The following TRPC3 variants were observed in gnomAD, a reference collection of about 807,000 sequenced individuals.
TRPC3 encodes transient receptor potential cation channel subfamily C member 3.
In TRPC3, 54 loss-of-function variants were observed where a neutral mutation model predicts 90.9. That is an observed-to-expected ratio of 0.59 (90% confidence interval 0.48 to 0.75). The LOEUF (loss-of-function observed/expected upper bound fraction) is 0.75. Among genes scored for constraint, TRPC3 ranks in the 30% least tolerant of loss-of-function variants. TRPC3 has a pLI of 0.00. For synonymous variants in TRPC3, 424 were observed against 450.9 expected, an observed-to-expected ratio of 0.94 and a Z score of 0.75; for missense variants, 918 against 1,194.5, an observed-to-expected ratio of 0.77 and a Z score of 3.41.
At chr4:121,943,707 T>C (rs1018021232) in intron 1 of TRPC3, among the ~76,000 whole-genome samples, 1 of 152,078 alleles carries the variant, frequency 6.6e-6, no homozygotes, top group Non-Finnish European at 1.5e-5. Flanking sequence ...TTTAAATACA[T>C]TAGTCACTAT....
intron 1 of TRPC3, among the ~76,000 whole-genome samples, chr4:121,936,078 C>A (rs960406037): frequency 6.6e-6 from 1 of 152,098 alleles, no homozygotes; most frequent in African/African-American, 2.4e-5. Context: ...TCAATTAGAA[C>A]AAATTATACT....
At chr4:121,929,968 T>C (rs111251830) in intron 2 of TRPC3, among the ~76,000 whole-genome samples, 16 of 152,186 alleles carry the variant, frequency 1.1e-4, no homozygotes, top group African/African-American at 3.9e-4. Context: ...TACCTGCTTG[T>C]CTCAGAAATG....
chr4:121,935,986 C>T (rs1418984161), intron 1 of TRPC3, among the ~76,000 whole-genome samples: 1 of 152,122 alleles, frequency 6.6e-6, no homozygotes, highest in Admixed American at 6.6e-5. Context: ...TATATTTGAA[C>T]TGAAATGTCT....
intron 1 of TRPC3, among the ~76,000 whole-genome samples, chr4:121,948,794 T>C (rs920040889): frequency 2.0e-5 from 3 of 152,194 alleles, no homozygotes; most frequent in Non-Finnish European, 4.4e-5. Context: ...CACAACTTAA[T>C]GTTGTCCTTC....
chr4:121,914,873 C>T lies in TRPC3; in HGVS notation c.1248G>A (p.Glu416=), dbSNP rs1419896587. 1 of 1,613,852 alleles carries T rather than the reference C, an allele frequency of 6.2e-7. No homozygotes were observed. The highest frequency in any genetic ancestry group is 8.5e-7 in the Non-Finnish European group (1 of 1,179,818). ...IWYENLSGLR[E]QTIAIKCLVV... ...CGAGACACTTGATAGCTATGGTCTG[C>T]TCCCTTAGGCCTGAGAGGTTCTCAT... The change falls in exon 4 of 12, where the codon GAG becomes GAA. Residue 416 remains glutamate, a synonymous_variant. Coordinates refer to ENST00000379645, the MANE Select transcript of TRPC3 (RefSeq NM_001130698.2).
intron 1 of TRPC3, among the ~76,000 whole-genome samples, chr4:121,937,704 C>G (rs913657590): frequency 2.0e-5 from 3 of 152,140 alleles, no homozygotes; most frequent in Admixed American, 1.3e-4. Context: ...AATCAAGAAG[C>G]CTCTCTCTTC....
chr4:121,879,704 G>T lies in TRPC3; in HGVS notation c.*32C>A. On this transcript the variant is annotated 3_prime_UTR_variant, in exon 12 of 12. Transcript: ENST00000379645. ...TAGAAATATTATTGCCCACATTTGT[G>T]CTATAGTCAAAGCCAAATCCAGGTT... The T allele has an allele frequency of 6.3e-7, 1 of 1,590,092 alleles. No individual in the cohort carries two copies. The highest frequency in any genetic ancestry group is 8.5e-7 in the Non-Finnish European group (1 of 1,171,916).
chr4:121,876,293 T>C lies in TRPC3; in HGVS notation c.*3443A>G, dbSNP rs574558878. ...TGAGACCCGCCTCTAAAAATGTATT[T>C]TAAAAACTTTATTTAAAAAATTTAA... On this transcript the variant is annotated 3_prime_UTR_variant, in exon 12 of 12. Transcript: ENST00000379645. Among the ~76,000 whole-genome samples the C allele has an allele frequency of 6.6e-6, 1 of 152,172 alleles. No individual in the cohort carries two copies. Among genetic ancestry groups the C allele is most frequent in the East Asian group, 1.9e-4 (1 of 5,168 alleles).
At position 121,879,749 on chromosome 4, in the gene TRPC3, A is replaced by G; in HGVS notation, c.2753T>C (p.Leu918Pro). Residue 918 changes from leucine to proline, a missense_variant, in exon 12 of 12, where the codon CTG becomes CCG. Physicochemically the swap from Leu to Pro is moderately conservative, Grantham distance 98 (BLOSUM62 -3). Coordinates refer to ENST00000379645, the MANE Select transcript of TRPC3 (RefSeq NM_001130698.2). ...CAGGTTGCTGCATCATTCACATCTC[A>G]GCATGCTGGGATTCAGTTTCTCACT... ...KLSEKLNPSM[L>P]RCE 2 of 1,610,552 alleles carry G rather than the reference A, an allele frequency of 1.2e-6. No homozygotes were observed. Among genetic ancestry groups the G allele is most frequent in the Non-Finnish European group, 1.7e-6 (2 of 1,178,756 alleles).
intron 1 of TRPC3, among the ~76,000 whole-genome samples, chr4:121,939,546 A>C (rs1730234822): frequency 6.6e-6 from 1 of 152,246 alleles, no homozygotes; most frequent in South Asian, 2.1e-4. Flanking sequence ...AAGGTGAGGA[A>C]GTACCTTAAG....
At chr4:121,912,727 T>C (rs1456665230) in intron 4 of TRPC3, among the ~76,000 whole-genome samples, 1 of 152,220 alleles carries the variant, frequency 6.6e-6, no homozygotes, top group East Asian at 1.9e-4. Context: ...TTAACTTATT[T>C]GAAAGTGATC....
At chr4:121,899,771 C>A in intron 9 of TRPC3, 76 bp from the exon 10 acceptor site, 1 of 1,144,410 alleles carries the variant, frequency 8.7e-7, no homozygotes, top group Non-Finnish European at 1.3e-6. Context: ...ATTTATTCTC[C>A]TTGATAACAT....
At chr4:121,935,789 CTTTTAAT>C (rs1198971114) in intron 1 of TRPC3, among the ~76,000 whole-genome samples, 1 of 151,914 alleles carries the variant, frequency 6.6e-6, no homozygotes, top group Non-Finnish European at 1.5e-5. Flanking sequence ...GGTGGAAAGG[CTTTTAAT>C]TTAATGATTG....
At chr4:121,940,677 G>A (rs1730277197) in intron 1 of TRPC3, among the ~76,000 whole-genome samples, 1 of 152,110 alleles carries the variant, frequency 6.6e-6, no homozygotes, top group African/African-American at 2.4e-5. Flanking sequence ...ATGAAATGTT[G>A]GGTCTTTTGA....
At chr4:121,929,511 C>A (rs76792737) in intron 2 of TRPC3, among the ~76,000 whole-genome samples, 5,262 of 152,188 alleles carry the variant, frequency 0.035, 304 homozygotes, top group African/African-American at 0.12. Context: ...GAGGATTAGA[C>A]CAAGAGTCTA....
chr4:121,903,078 G>GAA lies in TRPC3; in HGVS notation c.2254-19_2254-18dup. 2 of 1,555,934 alleles carry GAA rather than the reference G, an allele frequency of 1.3e-6. No homozygotes were observed. On this transcript the variant is annotated splice_polypyrimidine_tract_variant and intron_variant, in intron 8 of 11. Coordinates refer to ENST00000379645, the MANE Select transcript of TRPC3 (RefSeq NM_001130698.2). ...ACTGTCATCCTGTGTCACAAAAATA[G>GAA]AAAAAAAAACTAATTTTAAATGCTA...
chr4:121,910,624 A>G (rs569408351), intron 5 of TRPC3, among the ~76,000 whole-genome samples: 21 of 152,272 alleles, frequency 1.4e-4, no homozygotes, highest in Non-Finnish European at 2.4e-4. Context: ...GAAGCGGTCC[A>G]CATGTGGCAC....
chr4:121,877,987 T>C lies in TRPC3; in HGVS notation c.*1749A>G, dbSNP rs940363314. The stretch of plus-strand genomic sequence containing the variant: ...TTCCATAGCTATAAGCAAAAACTTT[T>C]CACACTTGGAATCCTGGACCATACT... On this transcript the variant is annotated 3_prime_UTR_variant, in exon 12 of 12. Transcript: ENST00000379645. 6.6e-6 allele frequency among the ~76,000 whole-genome samples: 1 copy of C among 152,198 alleles called. No homozygotes were observed. Among genetic ancestry groups the C allele is most frequent in the Admixed American group, 6.5e-5 (1 of 15,278 alleles).
At chr4:121,883,994 C>T (rs1728027117) in intron 10 of TRPC3, among the ~76,000 whole-genome samples, 1 of 152,030 alleles carries the variant, frequency 6.6e-6, no homozygotes, top group African/African-American at 2.4e-5. Context: ...TTTGTAGCAA[C>T]CCTGTCTGAA....
Sources: allele counts gnomAD v4.1 joint callset (sites outside exome capture counted in the v4.1 genomes callset), GRCh38; gene constraint gnomAD v4.1.1; transcripts MANE v1.5; gene names NCBI Gene and HGNC (gene_info 2026-07-23, HGNC 2026-07-21).